HHAT: variants seen among roughly 807,000 people sequenced by gnomAD.
HHAT encodes the protein protein-cysteine N-palmitoyltransferase HHAT.
HHAT carries 47 observed loss-of-function variants against 70.8 expected under a neutral mutation model. The ratio of observed to expected loss-of-function variants is 0.66; its 90% CI spans 0.53 to 0.85. HHAT has a LOEUF of 0.85. Ranked by LOEUF, HHAT falls within the 40% of genes least tolerant of loss-of-function variation. HHAT has a pLI of 0.00. For missense variants in HHAT, 609 were observed against 604.8 expected, an observed-to-expected ratio of 1.01 and a Z score of -0.07; for synonymous variants, 228 against 247.6, an observed-to-expected ratio of 0.92 and a Z score of 0.74.
intron 9 of HHAT, among the ~76,000 whole-genome samples, chr1:210,533,128 T>C (rs2095331965): frequency 6.6e-6 from 1 of 152,222 alleles, no homozygotes; most frequent in South Asian, 2.1e-4. Context: ...ATAAATGTCT[T>C]GAATGGTGGA....
intron 3 of HHAT, among the ~76,000 whole-genome samples, chr1:210,363,359 C>T (rs769375948): frequency 2.0e-5 from 3 of 152,310 alleles, no homozygotes; most frequent in South Asian, 4.2e-4. Context: ...TCTGGTAGGG[C>T]GGTGCCAGGT....
At chr1:210,438,875 C>T (rs1046948556) in intron 7 of HHAT, among the ~76,000 whole-genome samples, 11 of 151,846 alleles carry the variant, frequency 7.2e-5, no homozygotes, top group Admixed American at 3.9e-4. Flanking sequence ...CAGATAGAAT[C>T]GTATCGCTAT....
rs756643679 is a variant in HHAT, at chr1:210,362,908, G to A, written c.148G>A (p.Gly50Arg). The A allele has an allele frequency of 1.9e-6, 3 of 1,611,996 alleles. No individual in the cohort carries two copies. Among genetic ancestry groups the A allele is most frequent in the Non-Finnish European group, 2.5e-6 (3 of 1,178,188 alleles). Residue 50 changes from glycine to arginine, a missense_variant, in exon 3 of 12, where the codon GGA becomes AGA. Gly to Arg is a moderately radical substitution (Grantham distance 125). Transcript: ENST00000261458. Reference protein sequence around the residue: ...FELETDTLFGGLKKDATDFEW... With the variant: ...FELETDTLFGRLKKDATDFEW... ...GCTGGAGACTGACACTTTATTTGGA[G>A]GATTAAAGAAGGTACAAAGTGGATG...
rs1218692072 is a variant in HHAT, at chr1:210,423,499, A to G, written c.856+5174A>G. Among the ~76,000 whole-genome samples, 4 of 152,140 alleles carry G rather than the reference A, an allele frequency of 2.6e-5. No individual in the cohort carries two copies. The East Asian group carries it at 5.8e-4, about 22-fold the overall frequency. ...AAGTAGTTTGCAAATATTTTCTCCT[A>G]TTCTGTAAGTTGTCTTTTCACTCTG... On this transcript the variant is annotated intron_variant, in intron 7 of 11. Transcript: ENST00000261458.
intron 10 of HHAT, among the ~76,000 whole-genome samples, chr1:210,606,019 C>A (rs1382130885): frequency 1.3e-5 from 2 of 151,910 alleles, no homozygotes; most frequent in Non-Finnish European, 2.9e-5. Flanking sequence ...CCACACCTGG[C>A]TAATTTTTTT....
intron 7 of HHAT, among the ~76,000 whole-genome samples, chr1:210,457,929 C>T (rs3765836): frequency 0.83 from 126,011 of 152,152 alleles, 52,389 homozygotes; most frequent in African/African-American, 0.87. Context: ...TGTAATCTGG[C>T]AGACAATATC....
At chr1:210,505,284 T>C (rs974006260) in intron 8 of HHAT, among the ~76,000 whole-genome samples, 4 of 152,146 alleles carry the variant, frequency 2.6e-5, no homozygotes, top group African/African-American at 7.2e-5. Flanking sequence ...CCAGTTACTA[T>C]GTGATGTCAT....
intron 10 of HHAT, among the ~76,000 whole-genome samples, chr1:210,606,005 G>A (rs1466113770): frequency 6.6e-6 from 1 of 151,742 alleles, no homozygotes; most frequent in African/African-American, 2.4e-5. Flanking sequence ...ACAGGTATGT[G>A]CCACCACACC....
At chr1:210,374,571 A>C (rs76842089) in intron 3 of HHAT, among the ~76,000 whole-genome samples, 1 of 152,120 alleles carries the variant, frequency 6.6e-6, no homozygotes, top group African/African-American at 2.4e-5. Context: ...AGGCCATGCT[A>C]GCTGAGTTCT....
chr1:210,456,199 C>T (rs935852904), intron 7 of HHAT, among the ~76,000 whole-genome samples: 4 of 152,182 alleles, frequency 2.6e-5, no homozygotes, highest in Non-Finnish European at 4.4e-5. Context: ...CTCTCTAATC[C>T]ACTCAAGTCT....
At chr1:210,538,455 A>G (rs2095396759) in intron 9 of HHAT, among the ~76,000 whole-genome samples, 2 of 152,198 alleles carry the variant, frequency 1.3e-5, no homozygotes, top group African/African-American at 4.8e-5. Context: ...TAAGAGTAAT[A>G]AGCCTTAAAT....
intron 8 of HHAT, among the ~76,000 whole-genome samples, chr1:210,508,982 G>A (rs2094909106): frequency 6.6e-6 from 1 of 152,160 alleles, no homozygotes. Flanking sequence ...ATTAGGTTGT[G>A]GACATGAAGC....
In HHAT at chr1:210,464,424, A is replaced by G. The variant is rs1244549146; in HGVS notation, c.857-81A>G. 5 of 1,435,548 alleles carry G rather than the reference A, an allele frequency of 3.5e-6. No individual in the cohort carries two copies. In the South Asian group the frequency reaches 3.6e-5, roughly 10 times the overall value. 88.9% of individuals were successfully genotyped at this position (1,435,548 alleles called of 1,614,324 possible). A position where few individuals can be genotyped will look rare whatever the true frequency, so the allele number is the denominator to read the frequency against. On this transcript the variant is annotated intron_variant, in intron 7 of 11. Coordinates refer to ENST00000261458, the MANE Select transcript of HHAT (RefSeq NM_018194.6). ...TGTGGGGAGAAGCGGGGCAGTTGGC[A>G]TAGCTCCTGGGGTGTTGGTCTCCTC...
At chr1:210,569,373 CAAAAAAAAA>C (rs71146233) in intron 9 of HHAT, among the ~76,000 whole-genome samples, 1,579 of 28,326 alleles carry the variant, frequency 0.056, 73 homozygotes, top group African/African-American at 0.18. Flanking sequence ...GAGTCTGCCT[CAAAAAAAAA>C]AAAAAAAAAA....
intron 7 of HHAT, among the ~76,000 whole-genome samples, chr1:210,433,887 C>CTGTGGA (rs2093314976): frequency 1.3e-5 from 2 of 152,106 alleles, no homozygotes; most frequent in Admixed American, 1.3e-4. Flanking sequence ...GGGCATTGGG[C>CTGTGGA]TGTGGATGTT....
intron 7 of HHAT, among the ~76,000 whole-genome samples, chr1:210,443,326 G>T (rs1352607425): frequency 4.6e-5 from 7 of 151,516 alleles, no homozygotes; most frequent in Non-Finnish European, 7.4e-5. Flanking sequence ...TTGGCGATGC[G>T]GGCTCTTTTT....
intron 10 of HHAT, among the ~76,000 whole-genome samples, chr1:210,620,667 C>G (rs1668642236): frequency 6.6e-6 from 1 of 152,178 alleles, no homozygotes; most frequent in Admixed American, 6.5e-5. Context: ...GGGGGATAAT[C>G]AAGAATTGCC....
chr1:210,353,992 G>C (rs2087331396), intron 2 of HHAT, among the ~76,000 whole-genome samples: 1 of 152,088 alleles, frequency 6.6e-6, no homozygotes, highest in African/African-American at 2.4e-5. Flanking sequence ...GAGTTATAGA[G>C]TAAAACCACA....
chr1:210,577,240 T>C (rs1658013292), intron 9 of HHAT, among the ~76,000 whole-genome samples: 1 of 152,108 alleles, frequency 6.6e-6, no homozygotes, highest in African/African-American at 2.4e-5. Context: ...GTGGTGAGAG[T>C]GGGCATTCTT....
Sources: allele counts gnomAD v4.1 joint callset (sites outside exome capture counted in the v4.1 genomes callset), GRCh38; gene constraint gnomAD v4.1.1; transcripts MANE v1.5; gene names NCBI Gene and HGNC (gene_info 2026-07-23, HGNC 2026-07-21).